Variants in GPHN observed in about 807,000 individuals in gnomAD.
GPHN encodes gephyrin.
Under a neutral mutation model 95.5 loss-of-function variants are expected in GPHN, and 17 were observed. The ratio of observed to expected loss-of-function variants is 0.18; its 90% CI spans 0.12 to 0.27. The LOEUF (loss-of-function observed/expected upper bound fraction) is 0.27. Among genes scored for constraint, GPHN ranks in the 10% least tolerant of loss-of-function variants. The probability of loss-of-function intolerance (pLI) is 1.00; values close to 1 mark genes in which losing one functional copy is unlikely to be tolerated. For missense variants in GPHN, 660 were observed against 978.1 expected (o/e 0.67, Z 4.34); for synonymous variants, 320 against 322.5 (o/e 0.99, Z 0.08).
At chr14:67,682,112 A>T in the GPHN span, among the ~76,000 whole-genome samples, 1 of 152,196 alleles carries the variant, frequency 6.6e-6, no homozygotes, top group Non-Finnish European at 1.5e-5. Flanking sequence ...ACCATGAGCT[A>T]AGTAAATTTC....
the GPHN span, among the ~76,000 whole-genome samples, chr14:67,454,928 C>T: frequency 6.6e-6 from 1 of 151,912 alleles, no homozygotes; most frequent in African/African-American, 2.4e-5. Context: ...GGCTAGAGTG[C>T]AACCTCTGCC....
At chr14:67,116,186 C>A (rs1186885737) in intron 16 of GPHN, among the ~76,000 whole-genome samples, 1 of 151,930 alleles carries the variant, frequency 6.6e-6, no homozygotes, top group African/African-American at 2.4e-5. Flanking sequence ...GTGTCTGCTA[C>A]TCAGGAGGCT....
the GPHN span, among the ~76,000 whole-genome samples, chr14:67,723,979 C>T: frequency 4.9e-4 from 75 of 152,324 alleles, no homozygotes; most frequent in South Asian, 0.015. Flanking sequence ...AAGATCAGTA[C>T]CTGTGTATGC....
intron 2 of GPHN, among the ~76,000 whole-genome samples, chr14:66,712,445 G>A (rs1158283443): frequency 6.6e-6 from 1 of 152,110 alleles, no homozygotes; most frequent in Non-Finnish European, 1.5e-5. Context: ...GGTTTTTTCT[G>A]TAAATTTGTT....
At chr14:67,071,521 A>G (rs962405589) in intron 11 of GPHN, among the ~76,000 whole-genome samples, 2 of 152,094 alleles carry the variant, frequency 1.3e-5, no homozygotes, top group South Asian at 4.2e-4. Context: ...ATTAGGAGAT[A>G]TACCTAATGT....
chr14:66,552,084 C>T (rs910231458), intron 1 of GPHN, among the ~76,000 whole-genome samples: 2 of 152,188 alleles, frequency 1.3e-5, no homozygotes, highest in Non-Finnish European at 1.5e-5. Flanking sequence ...ATGAAGTCAT[C>T]TTAGACACCT....
chr14:66,714,578 A>G (rs1305498525), intron 2 of GPHN, among the ~76,000 whole-genome samples: 2 of 152,122 alleles, frequency 1.3e-5, no homozygotes, highest in African/African-American at 4.8e-5. Flanking sequence ...AATGCTTTCA[A>G]CTTTTCCCCA....
chr14:67,239,732 T>C, the GPHN span, among the ~76,000 whole-genome samples: 1 of 152,144 alleles, frequency 6.6e-6, no homozygotes, highest in Non-Finnish European at 1.5e-5. Context: ...GGCTGGCACC[T>C]GTAATCCCAG....
chr14:67,483,592 C>T, the GPHN span, among the ~76,000 whole-genome samples: 3 of 152,242 alleles, frequency 2.0e-5, no homozygotes, highest in Non-Finnish European at 2.9e-5. Flanking sequence ...GCCTGTTCCT[C>T]GGGATCCACA....
chr14:67,560,727 CTTTTT>C, the GPHN span, among the ~76,000 whole-genome samples: 4 of 126,426 alleles, frequency 3.2e-5, no homozygotes, highest in Non-Finnish European at 1.6e-5. Flanking sequence ...GAACATATAT[CTTTTT>C]TTTTTTTTTT....
intron 3 of GPHN, among the ~76,000 whole-genome samples, chr14:66,779,187 TGTG>T (rs1360924266): frequency 4.6e-5 from 7 of 152,172 alleles, no homozygotes; most frequent in Admixed American, 6.5e-5. Context: ...CAGAAATTAA[TGTG>T]GTAATTCTAG....
intron 1 of GPHN, among the ~76,000 whole-genome samples, chr14:66,607,020 G>A (rs2062566505): frequency 6.6e-6 from 1 of 152,104 alleles, no homozygotes; most frequent in Non-Finnish European, 1.5e-5. Flanking sequence ...TCTCATTCTA[G>A]TTCTCAAGGA....
the GPHN span, among the ~76,000 whole-genome samples, chr14:67,289,826 A>G: frequency 7.2e-6 from 1 of 138,514 alleles, no homozygotes; most frequent in Non-Finnish European, 1.5e-5. Context: ...GCTGGAGTGC[A>G]GTGGCACTAT....
At chr14:67,320,676 T>A in the GPHN span, among the ~76,000 whole-genome samples, 4 of 152,058 alleles carry the variant, frequency 2.6e-5, no homozygotes, top group South Asian at 8.3e-4. Context: ...CCTGCTGCTT[T>A]AAAGTGATAC....
intron 11 of GPHN, among the ~76,000 whole-genome samples, chr14:67,086,608 C>G (rs1202936305): frequency 6.8e-6 from 1 of 146,894 alleles, no homozygotes; most frequent in East Asian, 2.0e-4. Context: ...GCCGAGATTG[C>G]GCCACTGCAC....
chr14:67,161,998 G>A (rs1025300248), intron 19 of GPHN, among the ~76,000 whole-genome samples: 1 of 151,882 alleles, frequency 6.6e-6, no homozygotes, highest in African/African-American at 2.4e-5. Flanking sequence ...CAGCCATTGT[G>A]TAAATGCTGT....
chr14:66,687,312 G>C (rs1364473439), intron 2 of GPHN, among the ~76,000 whole-genome samples: 1 of 152,090 alleles, frequency 6.6e-6, no homozygotes, highest in East Asian at 1.9e-4. Context: ...TTTTGCTCAG[G>C]ATTGCTTTGG....
rs773829426 is a variant in GPHN, at chr14:66,965,212, C to T, written c.850C>T (p.Arg284Cys). Residue 284 changes from arginine to cysteine, a missense_variant, in exon 9 of 23, where the codon CGT becomes TGT. By Grantham distance (180) the Arg-to-Cys change is radical (BLOSUM62 -3). Around this residue, in one of 6 missense-constraint regions of GPHN, gnomAD observed 190 missense variants for 224.7 expected, o/e 0.85. Transcript: ENST00000478722. ...TCAGATTCCAGACTCCATCATTTCT[C>T]GTGGTGTTCAGGTGCTCCCACGAGA... ...DERIPDSIIS[R>C]GVQVLPRDTA... The T allele has an allele frequency of 3.1e-6, 5 of 1,611,506 alleles. No individual in the cohort carries two copies. Among genetic ancestry groups the T allele is most frequent in the South Asian group, 1.1e-5 (1 of 91,050 alleles).
intron 9 of GPHN, among the ~76,000 whole-genome samples, chr14:66,971,507 C>T (rs1477660090): frequency 1.3e-5 from 2 of 152,102 alleles, no homozygotes; most frequent in African/African-American, 2.4e-5. Context: ...ACATTTGCTT[C>T]TGTATTAAGT....
Sources: allele counts gnomAD v4.1 joint callset (sites outside exome capture counted in the v4.1 genomes callset), GRCh38; gene constraint gnomAD v4.1.1; regional missense constraint gnomAD v4.1.1; transcripts MANE v1.5; gene names NCBI Gene and HGNC (gene_info 2026-07-23, HGNC 2026-07-21).